BORCS5: variants seen among roughly 807,000 people sequenced by gnomAD.
The protein encoded by BORCS5 is BLOC-1-related complex subunit 5.
In BORCS5, 17 loss-of-function variants were observed where a neutral mutation model predicts 22.1. The observed-to-expected ratio is 0.77, with a 90% CI of 0.53 to 1.15. The LOEUF is 1.15. BORCS5 is among the 50% of genes most tolerant of loss of function. The pLI is 0.00. For missense variants in BORCS5, 247 were observed against 253.2 expected (o/e 0.98, Z 0.17); for synonymous variants, 117 against 99.8 (o/e 1.17, Z -1.03).
chr12:12,357,133 CGCCGCCCGCCGGCCGCAGGTGCGGCAAA>C lies in BORCS5; in HGVS notation c.-315_-288del. On this transcript the variant is annotated 5_prime_UTR_variant, in exon 1 of 4. Coordinates refer to ENST00000314565, the MANE Select transcript of BORCS5 (RefSeq NM_058169.6). ...AGCGTGAACCAGTGAGTGAAAGCGGCGCCGCCCGCCGGCCGCAGGTGCGGCAAAGCCAGTGTCATCTGCCGGTTCTCTT... is the reference window on the plus strand; with the variant it reads ...AGCGTGAACCAGTGAGTGAAAGCGGCGCCAGTGTCATCTGCCGGTTCTCTT... 1 of 1,533,406 alleles carries C rather than the reference CGCCGCCCGCCGGCCGCAGGTGCGGCAAA, an allele frequency of 6.5e-7. No individual in the cohort carries two copies. Among genetic ancestry groups the C allele is most frequent in the Non-Finnish European group, 8.7e-7 (1 of 1,145,770 alleles). 95.0% of individuals were successfully genotyped at this position (1,533,406 alleles called of 1,614,324 possible).
At chr12:12,382,646 C>T (rs1321653160) in intron 2 of BORCS5, among the ~76,000 whole-genome samples, 1 of 150,428 alleles carries the variant, frequency 6.6e-6, no homozygotes, top group Non-Finnish European at 1.5e-5. Flanking sequence ...GATTTTCCTG[C>T]CTCAGCCTCC....
intron 2 of BORCS5, among the ~76,000 whole-genome samples, chr12:12,423,192 C>A (rs750939883): frequency 6.6e-6 from 1 of 151,784 alleles, no homozygotes; most frequent in African/African-American, 2.4e-5. Flanking sequence ...TTAGTAGAGA[C>A]GGGGTCCCAC....
chr12:12,435,813 C>T (rs773967846), intron 3 of BORCS5, 28 bp downstream of exon 3: 1 of 1,598,284 alleles, frequency 6.3e-7, no homozygotes, highest in East Asian at 2.3e-5. Context: ...AATAACATTG[C>T]TGACTGGTTG....
At chr12:12,446,259 T>TA (rs77566754) in intron 3 of BORCS5, among the ~76,000 whole-genome samples, 455 of 139,192 alleles carry the variant, frequency 3.3e-3, no homozygotes, top group Non-Finnish European at 4.8e-3. Flanking sequence ...AATACAAGAA[T>TA]AAAAAAAAAA....
In BORCS5 at chr12:12,468,814, CA is replaced by C. The variant is rs1943241290; in HGVS notation, c.*3041del. On this transcript the variant is annotated 3_prime_UTR_variant, in exon 4 of 4. Coordinates refer to ENST00000314565, the MANE Select transcript of BORCS5 (RefSeq NM_058169.6). The stretch of plus-strand genomic sequence containing the variant: ...TGTGCAGTCTCCTGGTTTCCCTGGT[CA>C]AAGTGGAAGGTTGGTAGAAACTGGC... 2 of 152,128 alleles carry C rather than the reference CA, an allele frequency of 1.3e-5. No individual in the cohort carries two copies. The highest frequency in any genetic ancestry group is 4.8e-5 in the African/African-American group (2 of 41,418). The allele number at this position is 152,128 out of a possible 1,614,324, so 9.4% of individuals were successfully genotyped here. A position where few individuals can be genotyped will look rare whatever the true frequency, so the allele number is the denominator to read the frequency against.
chr12:12,457,248 G>A (rs919085484), intron 3 of BORCS5, among the ~76,000 whole-genome samples: 3 of 152,232 alleles, frequency 2.0e-5, no homozygotes, highest in Admixed American at 6.5e-5. Flanking sequence ...CTGAGGGTCA[G>A]CAAGGTTAAG....
At position 12,357,081 on chromosome 12, in the gene BORCS5, T is replaced by G. The variant is rs996996386; in HGVS notation, c.-371T>G. 3.7e-5 allele frequency: 57 copies of G among 1,533,448 alleles called. No individual in the cohort carries two copies. The African/African-American group carries it at 7.1e-4, about 19-fold the overall frequency. 95.0% of individuals were successfully genotyped at this position (1,533,448 alleles called of 1,614,324 possible). A position where few individuals can be genotyped will look rare whatever the true frequency, so the allele number is the denominator to read the frequency against. On this transcript the variant is annotated 5_prime_UTR_variant, in exon 1 of 4. Transcript: ENST00000314565. The stretch of plus-strand genomic sequence containing the variant: ...TCTTGCGTAGCCGGCACCGCCCATC[T>G]GCGTCCCGGAAGGAGCGAGCTTGCG...
intron 2 of BORCS5, among the ~76,000 whole-genome samples, chr12:12,395,432 C>G: frequency 7.2e-6 from 1 of 138,510 alleles, no homozygotes; most frequent in African/African-American, 2.9e-5. Flanking sequence ...CCACACCCAG[C>G]TAATTTTTTT....
At chr12:12,422,621 A>G (rs1942163738) in intron 2 of BORCS5, among the ~76,000 whole-genome samples, 2 of 152,106 alleles carry the variant, frequency 1.3e-5, no homozygotes, top group Non-Finnish European at 2.9e-5. Flanking sequence ...AAAAAAGTAA[A>G]AGAATAAGGA....
intron 3 of BORCS5, among the ~76,000 whole-genome samples, chr12:12,463,666 C>T (rs1002356343): frequency 3.3e-5 from 5 of 152,166 alleles, no homozygotes; most frequent in African/African-American, 1.2e-4. Context: ...GTGTGCTCAT[C>T]TCAGCATTAA....
chr12:12,364,026 T>G (rs1429092529), intron 2 of BORCS5, among the ~76,000 whole-genome samples: 1 of 152,198 alleles, frequency 6.6e-6, no homozygotes, highest in East Asian at 1.9e-4. Flanking sequence ...TTATATGTTA[T>G]TATATACTAT....
At chr12:12,399,109 T>C (rs1941414326) in intron 2 of BORCS5, among the ~76,000 whole-genome samples, 2 of 152,190 alleles carry the variant, frequency 1.3e-5, no homozygotes, top group African/African-American at 4.8e-5. Flanking sequence ...CAGTATGTGT[T>C]TTACAGTATT....
chr12:12,412,763 A>G (rs1319864066), intron 2 of BORCS5, among the ~76,000 whole-genome samples: 1 of 151,984 alleles, frequency 6.6e-6, no homozygotes. Context: ...TTTCTTTTAT[A>G]TGGCTTTTAT....
chr12:12,366,106 C>G (rs1353891976), intron 2 of BORCS5, among the ~76,000 whole-genome samples: 1 of 152,164 alleles, frequency 6.6e-6, no homozygotes, highest in Non-Finnish European at 1.5e-5. Context: ...CTTTTTTCCC[C>G]CTTTCCTGCT....
At chr12:12,424,254 C>T (rs1273836891) in intron 2 of BORCS5, among the ~76,000 whole-genome samples, 3 of 151,012 alleles carry the variant, frequency 2.0e-5, no homozygotes, top group African/African-American at 7.4e-5. Flanking sequence ...TTCTGTTCCT[C>T]AGACTAGATA....
At position 12,416,361 on chromosome 12, in the gene BORCS5, G is replaced by A. The variant is rs981591813; in HGVS notation, c.203-19267G>A. Among the ~76,000 whole-genome samples the A allele has an allele frequency of 2.8e-4, 43 of 151,234 alleles. 1 individual carries two copies. Among genetic ancestry groups the A allele is most frequent in the Admixed American group, 1.3e-3 (20 of 15,190 alleles). ...TAATCTTTCTTATTTCTATCCTTCT[G>A]CTAACTTTGGGTTTAGTTTGTTTTT... is the stretch of plus-strand genomic sequence containing the variant. On this transcript the variant is annotated intron_variant, in intron 2 of 3. Coordinates refer to ENST00000314565, the MANE Select transcript of BORCS5 (RefSeq NM_058169.6).
At chr12:12,465,115 G>A (rs1185462724) in intron 3 of BORCS5, among the ~76,000 whole-genome samples, 6 of 152,078 alleles carry the variant, frequency 3.9e-5, no homozygotes, top group South Asian at 2.1e-4. Flanking sequence ...GGGATTACAC[G>A]CACACACCAC....
chr12:12,358,979 T>A (rs1197284238), intron 1 of BORCS5, among the ~76,000 whole-genome samples: 1 of 152,226 alleles, frequency 6.6e-6, no homozygotes, highest in Non-Finnish European at 1.5e-5. Context: ...ATCCCTGGAT[T>A]AACCTTTGAG....
intron 3 of BORCS5, among the ~76,000 whole-genome samples, chr12:12,463,804 G>A (rs1179101449): frequency 6.6e-6 from 1 of 152,208 alleles, no homozygotes; most frequent in Non-Finnish European, 1.5e-5. Context: ...TCTTCATCAG[G>A]TGTGAATCGG....
Sources: gnomAD v4.1 joint callset for allele counts (sites outside exome capture counted in the v4.1 genomes callset) on GRCh38, gnomAD v4.1.1 for gene constraint, MANE v1.5 for transcripts, NCBI Gene and HGNC (gene_info 2026-07-23, HGNC 2026-07-21) for gene names.